ZNF43: variants seen among roughly 807,000 people sequenced by gnomAD.
The protein encoded by ZNF43 is zinc finger protein 39-like 1 (KOX 27).
ZNF43 carries 44 observed loss-of-function variants against 68.4 expected under a neutral mutation model. The ratio of observed to expected loss-of-function variants is 0.64; its 90% CI spans 0.51 to 0.83. The LOEUF is 0.83. Among genes scored for constraint, ZNF43 ranks in the 40% least tolerant of loss-of-function variants. The pLI is 0.00. For synonymous variants in ZNF43, 308 were observed against 307.8 expected, an observed-to-expected ratio of 1.00 and a Z score of -0.01; for missense variants, 896 against 933.2, an observed-to-expected ratio of 0.96 and a Z score of 0.52.
At chr19:21,847,105 T>C (rs1287377057) in intron 1 of ZNF43, among the ~76,000 whole-genome samples, 1 of 152,172 alleles carries the variant, frequency 6.6e-6, no homozygotes, top group Non-Finnish European at 1.5e-5. Flanking sequence ...CCATCATTTC[T>C]GTAATAAAGA....
At chr19:21,831,655 C>T (rs1052351048) in intron 1 of ZNF43, among the ~76,000 whole-genome samples, 7 of 152,042 alleles carry the variant, frequency 4.6e-5, no homozygotes, top group South Asian at 4.1e-4. Context: ...CCACCACGCC[C>T]GGCTCCAGAA....
chr19:21,831,512 A>G (rs1014701276), intron 1 of ZNF43, among the ~76,000 whole-genome samples: 13 of 151,998 alleles, frequency 8.6e-5, no homozygotes, highest in Admixed American at 6.6e-5. Context: ...CAAGCCACAC[A>G]ACAACGCCTA....
chr19:21,833,654 C>A (rs745882426), intron 1 of ZNF43, among the ~76,000 whole-genome samples: 3 of 151,214 alleles, frequency 2.0e-5, no homozygotes, highest in Non-Finnish European at 4.4e-5. Flanking sequence ...AAAAAAAAAA[C>A]AAAAACAACA....
intron 1 of ZNF43, among the ~76,000 whole-genome samples, chr19:21,829,110 G>A (rs1302172455): frequency 7.0e-6 from 1 of 143,836 alleles, no homozygotes; most frequent in Non-Finnish European, 1.5e-5. Context: ...AGCTACTCCA[G>A]CTACTCAGGA....
chr19:21,833,172 TGTTG>T (rs2038506110), intron 1 of ZNF43, among the ~76,000 whole-genome samples: 1 of 152,230 alleles, frequency 6.6e-6, no homozygotes, highest in Non-Finnish European at 1.5e-5. Context: ...CTTGGAATTC[TGTTG>T]AAAATCACCC....
chr19:21,847,306 T>C (rs756785085), intron 1 of ZNF43, among the ~76,000 whole-genome samples: 56 of 152,190 alleles, frequency 3.7e-4, no homozygotes, highest in Non-Finnish European at 7.9e-4. Context: ...AGCTGAGCAT[T>C]ATGTCACGAT....
At position 21,852,052 on chromosome 19, in the gene ZNF43, C is replaced by A. The variant is rs950787507; in HGVS notation, c.-118G>T. The A allele has an allele frequency of 3.2e-5, 38 of 1,173,276 alleles. No homozygotes were observed. The African/African-American group carries it at 5.5e-4, about 17-fold the overall frequency. 72.7% of individuals were successfully genotyped at this position (1,173,276 alleles called of 1,614,324 possible). The stretch of plus-strand genomic sequence containing the variant: ...AGCAGAGGCGGGTCCCAAGGTCTAG[C>A]GGGAGCTGGAGACAAAGGCCCCGCC... On this transcript the variant is annotated 5_prime_UTR_variant, in exon 1 of 4. Transcript: ENST00000357491.
chr19:21,841,127 G>A (rs969417688), upstream of ZNF43: 15 of 152,196 alleles, frequency 9.9e-5, no homozygotes, highest in Non-Finnish European at 2.2e-4. Flanking sequence ...TATACAAAAT[G>A]TGAAAGAATG....
chr19:21,832,422 T>TA (rs1012343251), intron 1 of ZNF43, among the ~76,000 whole-genome samples: 7 of 152,134 alleles, frequency 4.6e-5, no homozygotes, highest in Non-Finnish European at 7.3e-5. Flanking sequence ...AAATTATTTT[T>TA]AAAAAAACTT....
chr19:21,814,807 A>G (rs2037440948), intron 3 of ZNF43, among the ~76,000 whole-genome samples: 1 of 152,214 alleles, frequency 6.6e-6, no homozygotes, highest in East Asian at 1.9e-4. Flanking sequence ...AAAAAACACA[A>G]TAAACTGATG....
Position 21,835,894 on chromosome 19 carries a change from G to T in ZNF43, c.3+142C>A, listed in dbSNP as rs187902097. ...ACGCCCGGGGCTGCCTCCCAGAGCA[G>T]CCGCCATCTTATGGCTGAAGGGGAT... On this transcript the variant is annotated intron_variant, in intron 1 of 3. Transcript: ENST00000354959. 2.1e-6 allele frequency: 3 copies of T among 1,430,732 alleles called. No individual in the cohort carries two copies. The East Asian group carries it at 6.9e-5, about 33-fold the overall frequency. 88.6% of individuals were successfully genotyped at this position (1,430,732 alleles called of 1,614,324 possible).
intron 1 of ZNF43, among the ~76,000 whole-genome samples, chr19:21,828,499 G>A (rs1184559768): frequency 6.6e-6 from 1 of 152,006 alleles, no homozygotes; most frequent in African/African-American, 2.4e-5. Context: ...TGGATCACCT[G>A]AGGTCAGGAG....
chr19:21,846,166 G>A (rs1967940444), intron 1 of ZNF43, among the ~76,000 whole-genome samples: 1 of 152,180 alleles, frequency 6.6e-6, no homozygotes, highest in Admixed American at 6.5e-5. Context: ...GTCAGATAAC[G>A]TAGGAGCTGG....
intron 1 of ZNF43, among the ~76,000 whole-genome samples, chr19:21,846,395 T>C (rs940316395): frequency 3.9e-5 from 6 of 152,174 alleles, no homozygotes; most frequent in African/African-American, 1.4e-4. Flanking sequence ...GGCCAAACAA[T>C]AAGTCACTCT....
At chr19:21,823,823 C>A (rs12710189) in intron 1 of ZNF43, among the ~76,000 whole-genome samples, 43,847 of 151,754 alleles carry the variant, frequency 0.29, 6,511 homozygotes, top group Non-Finnish European at 0.32. Context: ...TCCATCTCGG[C>A]CTCCCAAAGT....
intron 3 of ZNF43, among the ~76,000 whole-genome samples, chr19:21,816,167 A>G (rs1348189289): frequency 1.3e-5 from 2 of 152,176 alleles, no homozygotes; most frequent in African/African-American, 4.8e-5. Context: ...TTATCCCCAC[A>G]GAGCAAGAAC....
intron 1 of ZNF43, among the ~76,000 whole-genome samples, chr19:21,849,708 C>T (rs1443015424): frequency 6.6e-6 from 1 of 151,848 alleles, no homozygotes; most frequent in Non-Finnish European, 1.5e-5. Context: ...CACCACTACA[C>T]TCCAGCCTGG....
At chr19:21,822,862 G>GT (rs1387511970) in intron 1 of ZNF43, among the ~76,000 whole-genome samples, 8 of 151,856 alleles carry the variant, frequency 5.3e-5, no homozygotes, top group Non-Finnish European at 1.2e-4. Flanking sequence ...TTCCTGTTCG[G>GT]TTTTTCCTAA....
At chr19:21,817,371 C>A (rs2037579059) in intron 3 of ZNF43, among the ~76,000 whole-genome samples, 1 of 151,918 alleles carries the variant, frequency 6.6e-6, no homozygotes, top group Non-Finnish European at 1.5e-5. Flanking sequence ...ACAAAGCAAT[C>A]TTGAGGAAAA....
Sources: gnomAD v4.1 joint callset for allele counts (sites outside exome capture counted in the v4.1 genomes callset) on GRCh38, gnomAD v4.1.1 for gene constraint, MANE v1.5 for transcripts, NCBI Gene and HGNC (gene_info 2026-07-23, HGNC 2026-07-21) for gene names.